Variants in SLC6A11 observed in about 807,000 individuals in gnomAD.
The protein encoded by SLC6A11 is sodium- and chloride-dependent GABA transporter 3.
A neutral mutation model predicts 74.8 loss-of-function variants in SLC6A11; 25 were observed. The observed-to-expected ratio is 0.33, with a 90% confidence interval of 0.24 to 0.47. The LOEUF is 0.47. SLC6A11 is among the 20% of genes least tolerant of loss of function. The probability of loss-of-function intolerance (pLI) is 1.00; values close to 1 mark genes in which losing one functional copy is unlikely to be tolerated. For missense variants in SLC6A11, 574 were observed against 837.0 expected (o/e 0.69, Z 3.88); for synonymous variants, 330 against 330.2 (o/e 1.00, Z 0.01).
intron 4 of SLC6A11, among the ~76,000 whole-genome samples, chr3:10,839,344 C>A (rs1575671495): frequency 2.6e-5 from 4 of 152,320 alleles, no homozygotes; most frequent in South Asian, 2.1e-4. Context: ...CTGACCCAGT[C>A]TACTCTAAGA....
rs1046440035 is a variant in SLC6A11, at chr3:10,918,851, C to T, written c.1120+398C>T. On this transcript the variant is annotated intron_variant, in intron 8 of 13. Transcript: ENST00000254488. The surrounding 1 kb of genome is among the most constrained non-coding windows in gnomAD (Gnocchi z 4.5). ...AGAGGGATTTTTTTTTTTCAAAATG[C>T]AAATTTGAACATGTCTTCTCTGATG... 1.7e-4 allele frequency among the ~76,000 whole-genome samples: 25 copies of T among 151,452 alleles called. No individual in the cohort carries two copies. The highest frequency in any genetic ancestry group is 3.4e-4 in the Non-Finnish European group (23 of 67,856).
intron 7 of SLC6A11, among the ~76,000 whole-genome samples, chr3:10,917,625 G>T (rs867370133): frequency 6.6e-6 from 1 of 152,166 alleles, no homozygotes; most frequent in South Asian, 2.1e-4. Context: ...AAGTTCCATT[G>T]TTTCTAGTCT....
intron 5 of SLC6A11, among the ~76,000 whole-genome samples, chr3:10,851,484 CT>C (rs991352375): frequency 1.9e-4 from 29 of 151,268 alleles, no homozygotes; most frequent in African/African-American, 6.3e-4. Flanking sequence ...TGATTTTTTT[CT>C]TTCCCTTCCT....
chr3:10,863,722 C>T (rs1219932692), intron 5 of SLC6A11, among the ~76,000 whole-genome samples: 1 of 152,124 alleles, frequency 6.6e-6, no homozygotes, highest in African/African-American at 2.4e-5. Flanking sequence ...TTCCTTTCCT[C>T]ATCTCCACTG....
chr3:10,821,339 T>A (rs1051204064), intron 3 of SLC6A11, among the ~76,000 whole-genome samples: 1 of 152,166 alleles, frequency 6.6e-6, no homozygotes, highest in Non-Finnish European at 1.5e-5. Flanking sequence ...TTAAGATGCA[T>A]TCATGGCAAA....
At chr3:10,930,635 T>G (rs1411576859) in intron 10 of SLC6A11, among the ~76,000 whole-genome samples, 1 of 152,102 alleles carries the variant, frequency 6.6e-6, no homozygotes, top group Non-Finnish European at 1.5e-5. Context: ...ACATACAAAT[T>G]TGGGGGTTAG....
chr3:10,823,194 A>G (rs1010700180), intron 3 of SLC6A11, 108 bp from the exon 4 acceptor site: 15 of 737,364 alleles, frequency 2.0e-5, no homozygotes, highest in Non-Finnish European at 2.9e-5. Context: ...GTTTACCTGG[A>G]GTGGGTAGAT....
intron 5 of SLC6A11, 143 bp downstream of exon 5, chr3:10,844,489 C>G (rs1694478887): frequency 3.1e-6 from 3 of 952,754 alleles, no homozygotes; most frequent in Admixed American, 4.2e-5. Flanking sequence ...AGAGTGAGCT[C>G]TACCCACCCT....
At chr3:10,897,228 A>T (rs758343369) in intron 6 of SLC6A11, among the ~76,000 whole-genome samples, 1 of 152,178 alleles carries the variant, frequency 6.6e-6, no homozygotes, top group Non-Finnish European at 1.5e-5. Flanking sequence ...GAGAAAAACC[A>T]TATCATTCTG....
At chr3:10,927,629 C>T (rs545270691) in intron 9 of SLC6A11, among the ~76,000 whole-genome samples, 1 of 152,330 alleles carries the variant, frequency 6.6e-6, no homozygotes, top group Admixed American at 6.5e-5. Context: ...ATCCCATCCT[C>T]TTCCCTAGGA....
intron 5 of SLC6A11, among the ~76,000 whole-genome samples, chr3:10,873,966 T>TACGCTACGCTACGCTACGCTACGCTAC (rs1559567223): frequency 3.8e-5 from 5 of 129,998 alleles, no homozygotes; most frequent in Admixed American, 7.1e-5. Context: ...TGCTACGCTA[T>TACGCTACGCTACGCTACGCTACGCTAC]GCTATGCTAC....
intron 6 of SLC6A11, among the ~76,000 whole-genome samples, chr3:10,898,713 A>C: frequency 6.6e-6 from 1 of 152,264 alleles, no homozygotes; most frequent in South Asian, 2.1e-4. Flanking sequence ...ACATTGTTCT[A>C]TCTTCTTCTG....
chr3:10,850,245 G>A (rs910433075), intron 5 of SLC6A11, among the ~76,000 whole-genome samples: 2 of 152,184 alleles, frequency 1.3e-5, no homozygotes, highest in Non-Finnish European at 2.9e-5. Context: ...TCAGTAGAGA[G>A]CTTTTCTAAA....
intron 7 of SLC6A11, among the ~76,000 whole-genome samples, chr3:10,916,008 G>A (rs770617360): frequency 6.6e-6 from 1 of 152,112 alleles, no homozygotes; most frequent in Non-Finnish European, 1.5e-5. Context: ...CCTAGTCCAC[G>A]GCTGGCATAC....
intron 3 of SLC6A11, among the ~76,000 whole-genome samples, chr3:10,820,317 A>C (rs1380334324): frequency 6.6e-6 from 1 of 152,214 alleles, no homozygotes; most frequent in African/African-American, 2.4e-5. Flanking sequence ...AGACTTAAAA[A>C]ATAGATTTGG....
intron 12 of SLC6A11, 56 bp from the exon 13 acceptor site, chr3:10,934,973 T>C: frequency 6.7e-7 from 1 of 1,498,678 alleles, no homozygotes; most frequent in South Asian, 1.2e-5. Context: ...AGACCCCTCA[T>C]GGCCTAGCAG....
rs1694116800 is a variant in SLC6A11, at chr3:10,819,955, G to A, written c.532+103G>A. 4 of 1,264,778 alleles carry A rather than the reference G, an allele frequency of 3.2e-6. No homozygotes were observed. In the East Asian group the frequency reaches 7.0e-5, roughly 22 times the overall value. The allele number at this position is 1,264,778 out of a possible 1,614,324, so 78.3% of individuals were successfully genotyped here. ...GTCCTGGTCCCTGGCCTCTCGTCAT[G>A]AGTCCAGTTTTCTAGGGTAGTCTTG... On this transcript the variant is annotated intron_variant, in intron 3 of 13. Transcript: ENST00000254488.
At chr3:10,830,877 A>C (rs1694287276) in intron 4 of SLC6A11, among the ~76,000 whole-genome samples, 1 of 152,078 alleles carries the variant, frequency 6.6e-6, no homozygotes, top group South Asian at 2.1e-4. Flanking sequence ...CCTGGGGATA[A>C]GGCAGCCTCC....
At chr3:10,921,448 T>C (rs963441399) in intron 8 of SLC6A11, among the ~76,000 whole-genome samples, 2 of 152,166 alleles carry the variant, frequency 1.3e-5, no homozygotes, top group African/African-American at 4.8e-5. Flanking sequence ...CTTGGTCCAA[T>C]TGTTTAGAGA....
Sources: gnomAD v4.1 joint callset for allele counts (sites outside exome capture counted in the v4.1 genomes callset) on GRCh38, gnomAD v4.1.1 for gene constraint, Gnocchi (gnomAD v3.1) non-coding constraint, MANE v1.5 for transcripts, NCBI Gene and HGNC (gene_info 2026-07-23, HGNC 2026-07-21) for gene names.